The following CYRIB variants were observed in gnomAD, a reference collection of about 807,000 sequenced individuals.
The protein encoded by CYRIB is CYFIP-related Rac1 interactor B.
CYRIB carries 8 observed loss-of-function variants against 44.2 expected under a neutral mutation model. The observed-to-expected ratio is 0.18, with a 90% CI of 0.11 to 0.33. The LOEUF (loss-of-function observed/expected upper bound fraction) is 0.33. CYRIB is among the 10% of genes least tolerant of loss of function. The pLI is 1.00. For missense variants in CYRIB, 185 were observed against 382.8 expected (o/e 0.48, Z 4.31); for synonymous variants, 131 against 127.2 (o/e 1.03, Z -0.20).
intron 2 of CYRIB, chr8:129,879,701 T>A: frequency 4.7e-6 from 2 of 421,700 alleles, no homozygotes; most frequent in Non-Finnish European, 8.4e-6. Context: ...CAACTGTTGC[T>A]CTAATTCTTC....
At chr8:129,880,882 CAAA>C (rs2060582135) in intron 2 of CYRIB, among the ~76,000 whole-genome samples, 1 of 151,974 alleles carries the variant, frequency 6.6e-6, no homozygotes, top group Admixed American at 6.6e-5. Context: ...ATTGGGAACA[CAAA>C]GAAGAAAGTA....
chr8:130,014,909 C>A (rs1294302403), intron 1 of CYRIB, among the ~76,000 whole-genome samples: 1 of 152,222 alleles, frequency 6.6e-6, no homozygotes, highest in Non-Finnish European at 1.5e-5. Flanking sequence ...GAACCCCAGG[C>A]CTGGGAAACC....
intron 1 of CYRIB, among the ~76,000 whole-genome samples, chr8:129,989,514 C>G (rs1278173583): frequency 6.6e-6 from 1 of 152,132 alleles, no homozygotes; most frequent in East Asian, 1.9e-4. Flanking sequence ...CTGCAGGGAC[C>G]AGGGTGTAGG....
chr8:129,954,660 G>A (rs1376944082), intron 2 of CYRIB, among the ~76,000 whole-genome samples: 1 of 152,106 alleles, frequency 6.6e-6, no homozygotes, highest in African/African-American at 2.4e-5. Flanking sequence ...GAAAATGCAG[G>A]GCCCAAGTGG....
intron 1 of CYRIB, among the ~76,000 whole-genome samples, chr8:129,923,608 C>T (rs1445480635): frequency 6.6e-6 from 1 of 152,048 alleles, no homozygotes; most frequent in South Asian, 2.1e-4. Flanking sequence ...TCATACACTT[C>T]CCTCACACGT....
At chr8:129,883,237 A>C (rs1173457017) in intron 2 of CYRIB, among the ~76,000 whole-genome samples, 1 of 151,450 alleles carries the variant, frequency 6.6e-6, no homozygotes, top group Non-Finnish European at 1.5e-5. Flanking sequence ...TCTGTCTCAC[A>C]TTGTAGGAAA....
chr8:129,868,723 A>T (rs2055237525), intron 4 of CYRIB: 1 of 152,082 alleles, frequency 6.6e-6, no homozygotes, highest in Non-Finnish European at 1.5e-5. Flanking sequence ...TCCTATATAT[A>T]AACTTTTCTA....
chr8:129,891,022 G>C (rs367868084), intron 2 of CYRIB, among the ~76,000 whole-genome samples: 1 of 152,186 alleles, frequency 6.6e-6, no homozygotes, highest in African/African-American at 2.4e-5. Flanking sequence ...TTCAAGTCCT[G>C]TCATAATTTC....
Position 129,977,148 on chromosome 8 carries a change from A to C in CYRIB, c.-295-6153T>G, listed in dbSNP as rs1314206657. On this transcript the variant is annotated intron_variant, in intron 1 of 14. Coordinates refer to the CYRIB transcript ENST00000401979. ...TGAGCCACCGTGCCCAGCCAGAACAAAGAGGTTTCATGAAGGCCATTTCCA... is the reference window on the plus strand; with the variant it reads ...TGAGCCACCGTGCCCAGCCAGAACACAGAGGTTTCATGAAGGCCATTTCCA... Among the ~76,000 whole-genome samples the C allele has an allele frequency of 3.9e-5, 6 of 152,064 alleles. No individual in the cohort carries two copies. In the East Asian group the frequency reaches 1.2e-3, roughly 29 times the overall value.
rs1252044688 is a variant in CYRIB at position 129,947,369 on chromosome 8, T to G, written c.-243+23574A>C. Among the ~76,000 whole-genome samples, 5 of 152,008 alleles carry G rather than the reference T, an allele frequency of 3.3e-5. No individual in the cohort carries two copies. The East Asian group carries it at 9.7e-4, about 29-fold the overall frequency. On this transcript the variant is annotated intron_variant, in intron 2 of 14. Coordinates refer to the CYRIB transcript ENST00000401979. The stretch of plus-strand genomic sequence containing the variant: ...GCCACTGTGCCCAGTCTCTAATTAT[T>G]TTACATTTTTAGCTTAAAAATGTTT...
chr8:129,971,522 G>A (rs1308939812), intron 1 of CYRIB, among the ~76,000 whole-genome samples: 1 of 152,194 alleles, frequency 6.6e-6, no homozygotes, highest in African/African-American at 2.4e-5. Context: ...TTTGCTGAAG[G>A]TTGCACAGCA....
At chr8:130,001,355 G>A (rs2096903116) in intron 1 of CYRIB, among the ~76,000 whole-genome samples, 1 of 151,944 alleles carries the variant, frequency 6.6e-6, no homozygotes, top group Non-Finnish European at 1.5e-5. Context: ...TCAGGTGCTT[G>A]GAGCCATAAG....
intron 2 of CYRIB, among the ~76,000 whole-genome samples, chr8:129,954,616 T>C (rs1282777624): frequency 6.6e-6 from 1 of 152,192 alleles, no homozygotes; most frequent in Non-Finnish European, 1.5e-5. Context: ...GGAAAAACTT[T>C]GGAATTCACC....
At chr8:129,930,601 T>C (rs1055077567) in intron 1 of CYRIB, among the ~76,000 whole-genome samples, 1 of 151,820 alleles carries the variant, frequency 6.6e-6, no homozygotes, top group Non-Finnish European at 1.5e-5. Context: ...CACTAGCCAG[T>C]TGTCACCATC....
At chr8:130,002,297 C>G (rs527242122) in intron 1 of CYRIB, among the ~76,000 whole-genome samples, 1 of 152,042 alleles carries the variant, frequency 6.6e-6, no homozygotes, top group African/African-American at 2.4e-5. Flanking sequence ...CCCATCTCTA[C>G]AAATAATTAA....
chr8:129,980,354 G>A (rs895969078), intron 1 of CYRIB, among the ~76,000 whole-genome samples: 2 of 152,136 alleles, frequency 1.3e-5, no homozygotes, highest in African/African-American at 2.4e-5. Flanking sequence ...ACTACATAGC[G>A]TGGTGCTTAA....
At chr8:129,910,972 T>C (rs1174588267) in intron 1 of CYRIB, among the ~76,000 whole-genome samples, 2 of 152,346 alleles carry the variant, frequency 1.3e-5, no homozygotes, top group East Asian at 3.9e-4. Flanking sequence ...TCCCATTGTT[T>C]TGTTAACTAC....
chr8:129,867,712 T>C (rs1248679682), intron 4 of CYRIB, among the ~76,000 whole-genome samples: 2 of 152,156 alleles, frequency 1.3e-5, no homozygotes, highest in African/African-American at 2.4e-5. Flanking sequence ...TTTACATGGA[T>C]TGTCTAATTT....
chr8:129,853,561 A>C (rs1192015108), intron 7 of CYRIB, among the ~76,000 whole-genome samples: 1 of 152,206 alleles, frequency 6.6e-6, no homozygotes, highest in African/African-American at 2.4e-5. Context: ...TGATCTTTGA[A>C]ATTTTTCAGA....
Sources: gnomAD v4.1 joint callset for allele counts (sites outside exome capture counted in the v4.1 genomes callset) on GRCh38, gnomAD v4.1.1 for gene constraint, MANE v1.5 for transcripts, NCBI Gene and HGNC (gene_info 2026-07-23, HGNC 2026-07-21) for gene names.